The following CDYL variants were observed in gnomAD, a reference collection of about 807,000 sequenced individuals.
CDYL encodes chromodomain Y-like protein.
A neutral mutation model predicts 47.3 loss-of-function variants in CDYL; 8 were observed. The observed-to-expected ratio is 0.17, with a 90% CI of 0.10 to 0.31. The LOEUF (loss-of-function observed/expected upper bound fraction) is 0.31, where lower values mean the gene tolerates loss of function less well. Ranked by LOEUF, CDYL falls within the 10% of genes least tolerant of loss-of-function variation. CDYL has a pLI of 1.00. For missense variants in CDYL, 471 were observed against 701.4 expected (o/e 0.67, Z 3.71); for synonymous variants, 266 against 265.0 (o/e 1.00, Z -0.04).
Position 4,955,529 on chromosome 6 carries a change from AAT to A in CDYL, c.*1476_*1477del, listed in dbSNP as rs1581301612. ...CTGTGAAAACTGGTTAAATAAAACT[AAT>A]ATTTCTTAACACATTTGAAATGTTT... On this transcript the variant is annotated 3_prime_UTR_variant, in exon 7 of 7. Coordinates refer to ENST00000397588, the MANE Select transcript of CDYL (RefSeq NM_004824.4). The A allele has an allele frequency of 1.3e-5, 2 of 152,762 alleles. No individual in the cohort carries two copies. The highest frequency in any genetic ancestry group is 3.9e-4 in the East Asian group (2 of 5,190). The allele number at this position is 152,762 out of a possible 1,614,324, so 9.5% of individuals were successfully genotyped here.
intron 1 of CDYL, among the ~76,000 whole-genome samples, chr6:4,818,697 T>C (rs1759740445): frequency 6.6e-6 from 1 of 152,212 alleles, no homozygotes; most frequent in Non-Finnish European, 1.5e-5. Context: ...TTAATTTTCC[T>C]TCTTCAGGAG....
At chr6:4,868,727 GA>G (rs1761391593) in intron 1 of CDYL, among the ~76,000 whole-genome samples, 1 of 152,112 alleles carries the variant, frequency 6.6e-6, no homozygotes, top group Non-Finnish European at 1.5e-5. Flanking sequence ...GTGGGCTATT[GA>G]AATATCAAAC....
intron 1 of CDYL, among the ~76,000 whole-genome samples, chr6:4,831,383 A>G (rs867903606): frequency 3.3e-4 from 50 of 152,274 alleles, no homozygotes; most frequent in Middle Eastern, 6.8e-3. Context: ...AAGATCAGAT[A>G]GTTGTAGATA....
intron 2 of CDYL, among the ~76,000 whole-genome samples, chr6:4,922,032 G>A (rs1019718860): frequency 1.3e-5 from 2 of 152,142 alleles, no homozygotes; most frequent in African/African-American, 4.8e-5. Context: ...TGGCAGCTGG[G>A]TATGACGGAG....
intron 2 of CDYL, among the ~76,000 whole-genome samples, chr6:4,723,969 A>T (rs773889433): frequency 6.6e-6 from 1 of 152,020 alleles, no homozygotes; most frequent in Non-Finnish European, 1.5e-5. Flanking sequence ...TAAAAGAGAG[A>T]TTTATGTATC....
chr6:4,746,225 G>A (rs1405851667), intron 3 of CDYL, among the ~76,000 whole-genome samples: 4 of 151,770 alleles, frequency 2.6e-5, no homozygotes, highest in Non-Finnish European at 4.4e-5. Context: ...CGAGCCAGGC[G>A]TGGTGGCACA....
intron 1 of CDYL, among the ~76,000 whole-genome samples, chr6:4,786,521 T>C (rs28578311): frequency 6.6e-6 from 1 of 151,460 alleles, no homozygotes; most frequent in African/African-American, 2.4e-5. Context: ...AAAAAAAATT[T>C]AAAAAGTTTG....
chr6:4,899,733 G>A (rs1028454113), intron 2 of CDYL, among the ~76,000 whole-genome samples: 11 of 152,104 alleles, frequency 7.2e-5, no homozygotes, highest in African/African-American at 2.4e-4. Context: ...AAAATAATCC[G>A]TATTCAAAAG....
At chr6:4,721,248 G>A (rs9392626) in intron 2 of CDYL, among the ~76,000 whole-genome samples, 19,522 of 151,992 alleles carry the variant, frequency 0.13, 1,532 homozygotes, top group African/African-American at 0.23. Context: ...TATGCAGCAC[G>A]TAGTCCTTCT....
At chr6:4,794,476 G>C (rs1033571483) in intron 1 of CDYL, among the ~76,000 whole-genome samples, 3 of 152,126 alleles carry the variant, frequency 2.0e-5, no homozygotes, top group African/African-American at 7.2e-5. Flanking sequence ...CTCCTCGGAA[G>C]GGTTTCATGG....
intron 1 of CDYL, among the ~76,000 whole-genome samples, chr6:4,788,174 T>A (rs1199589910): frequency 6.6e-6 from 1 of 151,936 alleles, no homozygotes; most frequent in Non-Finnish European, 1.5e-5. Context: ...GGACATGACT[T>A]GGGGTTTGGT....
At chr6:4,742,377 A>AAAG in intron 3 of CDYL, among the ~76,000 whole-genome samples, 1 of 151,552 alleles carries the variant, frequency 6.6e-6, no homozygotes, top group South Asian at 2.1e-4. Flanking sequence ...AAAAAAAAAA[A>AAAG]AAAAGAAAAG....
intron 1 of CDYL, among the ~76,000 whole-genome samples, chr6:4,791,881 G>A (rs1170974545): frequency 7.3e-6 from 1 of 137,714 alleles, no homozygotes. Context: ...AGGAATTGTA[G>A]AATTTTTTTT....
chr6:4,718,480 G>C (rs1757311388), intron 2 of CDYL: 1 of 152,098 alleles, frequency 6.6e-6, no homozygotes, highest in Non-Finnish European at 1.5e-5. Context: ...GTTTCACCAT[G>C]TTGGCCAAGT....
intron 2 of CDYL, among the ~76,000 whole-genome samples, chr6:4,909,571 T>C (rs962614730): frequency 1.8e-4 from 27 of 152,048 alleles, no homozygotes; most frequent in African/African-American, 6.5e-4. Context: ...AATTCATACT[T>C]TTTTTTGTTT....
At chr6:4,840,602 C>A (rs1007322256) in intron 1 of CDYL, among the ~76,000 whole-genome samples, 13 of 152,072 alleles carry the variant, frequency 8.5e-5, no homozygotes, top group Admixed American at 6.6e-5. Flanking sequence ...GGGTTTTAAT[C>A]GTAAAGGGGT....
intron 1 of CDYL, among the ~76,000 whole-genome samples, chr6:4,707,039 G>A (rs1757058871): frequency 6.6e-6 from 1 of 152,106 alleles, no homozygotes; most frequent in Non-Finnish European, 1.5e-5. Flanking sequence ...ACTACCAGGT[G>A]TTTTCTACAA....
At chr6:4,734,157 C>CT (rs1407600106) in intron 2 of CDYL, among the ~76,000 whole-genome samples, 9 of 151,998 alleles carry the variant, frequency 5.9e-5, no homozygotes, top group African/African-American at 2.2e-4. Context: ...TGCTGTTTCC[C>CT]CTCTGGCGTT....
chr6:4,900,083 G>A (rs111892026), intron 2 of CDYL, among the ~76,000 whole-genome samples: 3,602 of 152,244 alleles, frequency 0.024, 148 homozygotes, highest in African/African-American at 0.082. Flanking sequence ...AGCAAAATAT[G>A]AGTTCACTGT....
Sources: gnomAD v4.1 joint callset for allele counts (sites outside exome capture counted in the v4.1 genomes callset) on GRCh38, gnomAD v4.1.1 for gene constraint, MANE v1.5 for transcripts, NCBI Gene and HGNC (gene_info 2026-07-23, HGNC 2026-07-21) for gene names.